Variants in MANBA observed in about 807,000 individuals in gnomAD.
MANBA encodes mannosidase beta.
A neutral mutation model predicts 111.1 loss-of-function variants in MANBA; 83 were observed. The ratio of observed to expected loss-of-function variants is 0.75; its 90% confidence interval spans 0.63 to 0.90. The LOEUF (loss-of-function observed/expected upper bound fraction) is 0.90. MANBA is among the 40% of genes least tolerant of loss of function. The pLI is 0.00. For missense variants in MANBA, 1,036 were observed against 1,069.0 expected, an observed-to-expected ratio of 0.97 and a Z score of 0.43; for synonymous variants, 370 against 378.7, an observed-to-expected ratio of 0.98 and a Z score of 0.27.
At chr4:102,748,967 T>C (rs1723685165) in intron 1 of MANBA, among the ~76,000 whole-genome samples, 1 of 152,112 alleles carries the variant, frequency 6.6e-6, no homozygotes, top group Non-Finnish European at 1.5e-5. Flanking sequence ...TTTCTAAATG[T>C]CATTAAGATT....
rs191556243 is a variant in MANBA at position 102,679,318 on chromosome 4, A to T, written c.961-5248T>A. ...ACACCAGATAGGATCACTTTTTAAG[A>T]CCTCCTCTTCCATATGACAAAGTTA... On this transcript the variant is annotated intron_variant, in intron 7 of 16. Transcript: ENST00000647097. Among the ~76,000 whole-genome samples the T allele has an allele frequency of 5.3e-5, 8 of 152,000 alleles. No homozygotes were observed. The East Asian group carries it at 1.5e-3, about 29-fold the overall frequency.
At chr4:102,747,281 A>AC (rs1367901669) in intron 1 of MANBA, among the ~76,000 whole-genome samples, 9 of 152,144 alleles carry the variant, frequency 5.9e-5, no homozygotes, top group Non-Finnish European at 1.3e-4. Flanking sequence ...AAGGTGAAGA[A>AC]CTTGGAGTCT....
At chr4:102,714,288 A>G (rs10014969) in intron 5 of MANBA, 150 bp downstream of exon 5, 1 of 739,236 alleles carries the variant, frequency 1.4e-6, no homozygotes, top group East Asian at 2.6e-5. Flanking sequence ...ATCAGTTTGT[A>G]CCTATTTTTT....
chr4:102,725,093 G>T (rs1033781533), intron 2 of MANBA, among the ~76,000 whole-genome samples: 3 of 152,146 alleles, frequency 2.0e-5, no homozygotes, highest in African/African-American at 7.2e-5. Flanking sequence ...GGGGCAGGAG[G>T]AGTGGGCAAT....
intron 13 of MANBA, among the ~76,000 whole-genome samples, chr4:102,644,772 C>CA (rs1485695939): frequency 6.6e-6 from 1 of 151,890 alleles, no homozygotes; most frequent in Non-Finnish European, 1.5e-5. Flanking sequence ...GTTCTCACTA[C>CA]AAAAAAGATA....
intron 5 of MANBA, among the ~76,000 whole-genome samples, chr4:102,711,564 A>C (rs975197342): frequency 6.6e-6 from 1 of 152,204 alleles, no homozygotes; most frequent in African/African-American, 2.4e-5. Flanking sequence ...CAAGAAACTA[A>C]TAGTAGAGTC....
At chr4:102,729,652 C>A in intron 1 of MANBA, 2 of 1,425,934 alleles carry the variant, frequency 1.4e-6, no homozygotes, top group Non-Finnish European at 2.0e-6. Context: ...TTCTTGAAGT[C>A]CTCCACCAGC....
In MANBA at chr4:102,639,699, G is replaced by T; in HGVS notation, c.2014+14C>A. On this transcript the variant is annotated intron_variant, in intron 14 of 16. Coordinates refer to ENST00000647097, the MANE Select transcript of MANBA (RefSeq NM_005908.4). ...GCTTTCTCTCACTCGCACAAAGAAC[G>T]CTGAAATGCTTACCAAGAGAAGCCC... The T allele has an allele frequency of 6.2e-7, 1 of 1,613,994 alleles. No homozygotes were observed. Among genetic ancestry groups the T allele is most frequent in the South Asian group, 1.1e-5 (1 of 91,084 alleles).
At chr4:102,727,049 T>G (rs1722837598) in intron 1 of MANBA, among the ~76,000 whole-genome samples, 1 of 152,234 alleles carries the variant, frequency 6.6e-6, no homozygotes, top group African/African-American at 2.4e-5. Context: ...AGTGCTAGGA[T>G]TACAGGCATG....
intron 2 of MANBA, 102 bp downstream of exon 2, chr4:102,726,487 T>C: frequency 2.8e-6 from 2 of 703,556 alleles, no homozygotes; most frequent in South Asian, 1.7e-5. Context: ...AAACAAAACA[T>C]ACAAAACAAA....
At chr4:102,760,589 C>G in intron 1 of MANBA, 129 bp downstream of exon 1, 1 of 1,044,680 alleles carries the variant, frequency 9.6e-7, no homozygotes, top group South Asian at 1.7e-5. Context: ...TCACAAGATG[C>G]AAAGGGGAAG....
At chr4:102,725,488 G>T (rs528005621) in intron 2 of MANBA, among the ~76,000 whole-genome samples, 3 of 152,094 alleles carry the variant, frequency 2.0e-5, no homozygotes, top group Non-Finnish European at 4.4e-5. Flanking sequence ...AGAGAGGTGC[G>T]GGCAGTGTTA....
At chr4:102,673,104 C>G (rs1731564539) in intron 8 of MANBA, among the ~76,000 whole-genome samples, 1 of 152,124 alleles carries the variant, frequency 6.6e-6, no homozygotes, top group African/African-American at 2.4e-5. Flanking sequence ...CCAACAGCTC[C>G]CAGTTTCCTC....
Position 102,760,944 on chromosome 4 carries a change from C to A in MANBA, c.-50G>T. The A allele has an allele frequency of 6.6e-7, 1 of 1,517,450 alleles. No individual in the cohort carries two copies. Among genetic ancestry groups the A allele is most frequent in the East Asian group, 2.4e-5 (1 of 41,036 alleles). 94.0% of individuals were successfully genotyped at this position (1,517,450 alleles called of 1,614,324 possible). A position where few individuals can be genotyped will look rare whatever the true frequency, so the allele number is the denominator to read the frequency against. On this transcript the variant is annotated 5_prime_UTR_variant, in exon 1 of 17. Coordinates refer to ENST00000647097, the MANE Select transcript of MANBA (RefSeq NM_005908.4). ...GTGGAGAGATCGAAAGGCAGCGCTG[C>A]AAGGGACCGGCGGTGAAGCCACTCA... is the stretch of plus-strand genomic sequence containing the variant.
intron 7 of MANBA, among the ~76,000 whole-genome samples, chr4:102,685,715 C>T (rs227281): frequency 0.6 from 91,173 of 151,410 alleles, 28,259 homozygotes; most frequent in South Asian, 0.79. Context: ...TCATTGCAAA[C>T]TTGTAATAAA....
At chr4:102,694,662 C>T (rs781293169) in intron 5 of MANBA, among the ~76,000 whole-genome samples, 11 of 151,978 alleles carry the variant, frequency 7.2e-5, no homozygotes, top group Non-Finnish European at 1.6e-4. Flanking sequence ...AGAAGGATTG[C>T]TACATCTTCT....
intron 5 of MANBA, among the ~76,000 whole-genome samples, chr4:102,700,010 C>G (rs1356159577): frequency 6.6e-6 from 1 of 151,738 alleles, no homozygotes; most frequent in East Asian, 1.9e-4. Context: ...GGTTGGTAAG[C>G]TATTGATTAT....
At chr4:102,739,557 C>T (rs1243859554) in intron 1 of MANBA, among the ~76,000 whole-genome samples, 2 of 152,172 alleles carry the variant, frequency 1.3e-5, no homozygotes, top group Non-Finnish European at 2.9e-5. Context: ...CTCAACAAAA[C>T]ACTAGCTAAC....
chr4:102,730,945 C>T (rs1206280516), intron 1 of MANBA, among the ~76,000 whole-genome samples: 1 of 152,160 alleles, frequency 6.6e-6, no homozygotes, highest in East Asian at 1.9e-4. Context: ...TGAAACTGCA[C>T]ATCTCACACG....
Sources: gnomAD v4.1 joint callset for allele counts (sites outside exome capture counted in the v4.1 genomes callset) on GRCh38, gnomAD v4.1.1 for gene constraint, MANE v1.5 for transcripts, NCBI Gene and HGNC (gene_info 2026-07-23, HGNC 2026-07-21) for gene names.